Variants in ADGB observed in about 807,000 individuals in gnomAD.
ADGB encodes the protein androglobin.
In ADGB, 172 loss-of-function variants were observed where a neutral mutation model predicts 210.5. The ratio of observed to expected loss-of-function variants is 0.82; its 90% CI spans 0.72 to 0.93. The LOEUF is 0.93. ADGB is among the 40% of genes least tolerant of loss of function. ADGB has a pLI of 0.00. For synonymous variants in ADGB, 658 were observed against 662.7 expected (o/e 0.99, Z 0.11); for missense variants, 2,025 against 1,964.8 (o/e 1.03, Z -0.58).
At chr6:146,652,257 T>C (rs909699295) in intron 3 of ADGB, among the ~76,000 whole-genome samples, 4 of 152,188 alleles carry the variant, frequency 2.6e-5, no homozygotes, top group Non-Finnish European at 5.9e-5. Context: ...TATCTAATAC[T>C]TATTAATGTA....
rs906328829 is a variant in ADGB at position 146,757,987 on chromosome 6, G to A, written c.3550+5273G>A. Reference sequence around the variant, plus strand: ...CAGTGTTTAAGTCACAGGGAAGTGGGATATGCATGTACTATATTAGTAGGG... The same window carrying A: ...CAGTGTTTAAGTCACAGGGAAGTGGAATATGCATGTACTATATTAGTAGGG... On this transcript the variant is annotated intron_variant, in intron 27 of 35. Coordinates refer to ENST00000397944, the MANE Select transcript of ADGB (RefSeq NM_024694.4). Among the ~76,000 whole-genome samples, 113 of 152,186 alleles carry A rather than the reference G, an allele frequency of 7.4e-4. 1 individual carries two copies. Among genetic ancestry groups the A allele is most frequent in the Admixed American group, 5.5e-3 (84 of 15,266 alleles).
At chr6:146,698,463 T>C (rs537796505) in intron 12 of ADGB, among the ~76,000 whole-genome samples, 71 of 152,288 alleles carry the variant, frequency 4.7e-4, no homozygotes, top group African/African-American at 1.6e-3. Flanking sequence ...AGGCAGTTAA[T>C]TTACACTTTT....
chr6:146,736,975 T>C (rs1263119695), intron 23 of ADGB, among the ~76,000 whole-genome samples: 2 of 151,876 alleles, frequency 1.3e-5, no homozygotes, highest in African/African-American at 2.4e-5. Flanking sequence ...AGATCGAACC[T>C]TAAAAAAACT....
intron 3 of ADGB, among the ~76,000 whole-genome samples, chr6:146,653,617 T>G (rs554962490): frequency 6.6e-6 from 1 of 151,910 alleles, no homozygotes; most frequent in Non-Finnish European, 1.5e-5. Flanking sequence ...AGGGAGAGGA[T>G]CAGGAAAAAT....
intron 1 of ADGB, among the ~76,000 whole-genome samples, chr6:146,623,455 T>C (rs138504405): frequency 9.1e-4 from 139 of 152,050 alleles, no homozygotes; most frequent in African/African-American, 3.3e-3. Flanking sequence ...CTTATCTTTA[T>C]ATTATTGGAA....
chr6:146,611,195 G>A (rs779282016), intron 1 of ADGB, among the ~76,000 whole-genome samples: 4 of 151,946 alleles, frequency 2.6e-5, no homozygotes, highest in Non-Finnish European at 5.9e-5. Context: ...CACCCCAGTT[G>A]AGCATCTGAG....
At chr6:146,672,510 C>T in intron 8 of ADGB, 43 bp downstream of exon 8, 2 of 1,475,542 alleles carry the variant, frequency 1.4e-6, no homozygotes, top group Non-Finnish European at 1.8e-6. Context: ...ATGGACATTG[C>T]ATATAAATGC....
At chr6:146,670,336 A>T (rs1405697755) in intron 7 of ADGB, among the ~76,000 whole-genome samples, 1 of 152,138 alleles carries the variant, frequency 6.6e-6, no homozygotes, top group Admixed American at 6.6e-5. Context: ...ACAGTCTCTG[A>T]CCTCATCACT....
In ADGB at chr6:146,733,934, A is replaced by G; in HGVS notation, c.2698A>G (p.Lys900Glu). ...DVKYCMPTSD[K>E]EYSAEEVAAA... ...TAAATATTGTATGCCCACAAGTGAT[A>G]AAGAGTATTCTGCTGAGGAAGTAGC... is the stretch of plus-strand genomic sequence containing the variant. The change falls in exon 22 of 36, where the codon AAA becomes GAA. Residue 900 changes from lysine (K) to glutamate (E), a missense_variant. Coordinates refer to ENST00000397944, the MANE Select transcript of ADGB (RefSeq NM_024694.4). 3 of 1,551,716 alleles carry G rather than the reference A, an allele frequency of 1.9e-6. No homozygotes were observed. Among genetic ancestry groups the G allele is most frequent in the Non-Finnish European group, 2.6e-6 (3 of 1,146,978 alleles).
At chr6:146,757,263 C>T (rs943655414) in intron 27 of ADGB, among the ~76,000 whole-genome samples, 2 of 151,422 alleles carry the variant, frequency 1.3e-5, no homozygotes, top group Non-Finnish European at 2.9e-5. Flanking sequence ...TTAGAATAAA[C>T]CCTAGTTGAT....
chr6:146,715,833 G>A (rs1173264998), intron 14 of ADGB, among the ~76,000 whole-genome samples: 1 of 152,066 alleles, frequency 6.6e-6, no homozygotes, highest in African/African-American at 2.4e-5. Context: ...ACTTTGGGAG[G>A]CTGAGGCGGG....
chr6:146,759,836 T>C (rs1409687023), intron 27 of ADGB, among the ~76,000 whole-genome samples: 4 of 151,874 alleles, frequency 2.6e-5, no homozygotes, highest in Non-Finnish European at 2.9e-5. Flanking sequence ...GCTACAAATA[T>C]TAATTTATGT....
chr6:146,717,535 G>T lies in ADGB; in HGVS notation c.1929-1G>T, dbSNP rs1392433822. ...ACCTGTTAAAAATGTCTTTCTTTCAGAAATATATATATTTTCCACAAGCCA... is the reference window on the plus strand; with the variant it reads ...ACCTGTTAAAAATGTCTTTCTTTCATAAATATATATATTTTCCACAAGCCA... On this transcript the variant is annotated splice_acceptor_variant, in intron 15 of 35. Coordinates refer to ENST00000397944, the MANE Select transcript of ADGB (RefSeq NM_024694.4). LOFTEE classifies it high-confidence loss of function. 7.3e-7 allele frequency: 1 copy of T among 1,371,104 alleles called. No homozygotes were observed. Among genetic ancestry groups the T allele is most frequent in the East Asian group, 2.6e-5 (1 of 38,308 alleles). 84.9% of individuals were successfully genotyped at this position (1,371,104 alleles called of 1,614,324 possible).
At position 146,672,341 on chromosome 6, in the gene ADGB, G is replaced by A. The variant is rs374296754; in HGVS notation, c.961G>A (p.Gly321Arg). 5.9e-5 allele frequency: 91 copies of A among 1,551,196 alleles called. 1 individual carries two copies. Among genetic ancestry groups the A allele is most frequent in the African/African-American group, 3.6e-4 (26 of 73,048 alleles). Residue 321 changes from glycine to arginine, a missense_variant, in exon 8 of 36, where the codon GGG becomes AGG. Coordinates refer to ENST00000397944, the MANE Select transcript of ADGB (RefSeq NM_024694.4). Reference protein sequence around the residue: ...AVLDSKLKEPGKEGKEGKEIK... With the variant: ...AVLDSKLKEPRKEGKEGKEIK... ...GTTAGATTCTAAATTAAAAGAACCAGGGAAAGAAGGGAAGGAGGGAAAAGA... is the reference window on the plus strand; with the variant it reads ...GTTAGATTCTAAATTAAAAGAACCAAGGAAAGAAGGGAAGGAGGGAAAAGA...
chr6:146,728,816 C>T, intron 20 of ADGB, 75 bp downstream of exon 20: 1 of 1,218,066 alleles, frequency 8.2e-7, no homozygotes, highest in Non-Finnish European at 1.1e-6. Context: ...ATTAGGTGAC[C>T]TCCCAAATCA....
chr6:146,811,321 G>A (rs1778299317), intron 35 of ADGB, among the ~76,000 whole-genome samples: 2 of 151,938 alleles, frequency 1.3e-5, no homozygotes, highest in Non-Finnish European at 2.9e-5. Flanking sequence ...ATCTCTTCAA[G>A]TCACTGGTAA....
intron 27 of ADGB, among the ~76,000 whole-genome samples, chr6:146,757,369 T>C (rs1487976649): frequency 6.6e-6 from 1 of 151,954 alleles, no homozygotes. Context: ...TGAACAAATA[T>C]GTTAATAATA....
intron 9 of ADGB, among the ~76,000 whole-genome samples, chr6:146,685,454 G>A (rs1360050855): frequency 6.6e-6 from 1 of 151,868 alleles, no homozygotes; most frequent in Non-Finnish European, 1.5e-5. Flanking sequence ...TTGCACTGAC[G>A]AATAACTAGA....
chr6:146,782,337 C>A, intron 30 of ADGB, 145 bp downstream of exon 30: 1 of 793,746 alleles, frequency 1.3e-6, no homozygotes, highest in Non-Finnish European at 1.9e-6. Context: ...GAGGACATTC[C>A]TTGGACACCT....
Sources: gnomAD v4.1 joint callset for allele counts (sites outside exome capture counted in the v4.1 genomes callset) on GRCh38, gnomAD v4.1.1 for gene constraint, MANE v1.5 for transcripts, NCBI Gene and HGNC (gene_info 2026-07-23, HGNC 2026-07-21) for gene names.